KLHL13: variants seen among roughly 807,000 people sequenced by gnomAD.
KLHL13 encodes the protein kelch like family member 13, also known as kelch-like protein 13.
In KLHL13, 10 loss-of-function variants were observed where a neutral mutation model predicts 37.1. The observed-to-expected ratio is 0.27, with a 90% CI of 0.17 to 0.46. KLHL13 has a LOEUF of 0.46. KLHL13 is among the 20% of genes least tolerant of loss of function. The pLI is 1.00. For missense variants in KLHL13, 360 were observed against 509.3 expected (o/e 0.71, Z 2.82); for synonymous variants, 163 against 181.2 (o/e 0.90, Z 0.81).
chrX:117,945,754 T>TA (rs1325479886), intron 1 of KLHL13, 179 bp from the exon 3 acceptor site: 1 of 392,643 alleles, frequency 2.5e-6, no homozygotes, highest in African/African-American at 2.5e-5. Context: ...TGTATATTTG[T>TA]AAAATGGTTT....
chrX:117,902,166 G>A (rs150520097), intron 5 of KLHL13, among the ~76,000 whole-genome samples: 215 of 110,973 alleles, frequency 1.9e-3, no homozygotes, highest in African/African-American at 6.6e-3. Flanking sequence ...ACTAGATAGT[G>A]TAAGAATCTA....
chrX:117,937,426 T>G (rs1319263807), intron 2 of KLHL13, among the ~76,000 whole-genome samples: 1 of 111,852 alleles, frequency 8.9e-6, no homozygotes, highest in African/African-American at 3.2e-5. Flanking sequence ...ATCACTGTTC[T>G]TTCTCAGCCT....
At chrX:118,026,652 C>T (rs1429419062) in intron 1 of KLHL13, among the ~76,000 whole-genome samples, 1 of 111,930 alleles carries the variant, frequency 8.9e-6, no homozygotes, top group Non-Finnish European at 1.9e-5. Flanking sequence ...ATGAAGCCCT[C>T]AGCAGCAGAT....
intron 1 of KLHL13, among the ~76,000 whole-genome samples, chrX:118,050,616 T>C (rs2054603798): frequency 9.0e-6 from 1 of 111,488 alleles, no homozygotes; most frequent in South Asian, 3.8e-4. Flanking sequence ...GATTTACTTT[T>C]TCCTTATTCA....
intron 2 of KLHL13, among the ~76,000 whole-genome samples, chrX:117,935,806 A>G (rs1447812746): frequency 9.0e-6 from 1 of 111,075 alleles, no homozygotes; most frequent in Non-Finnish European, 1.9e-5. Flanking sequence ...AGGGACACAG[A>G]GCCAAACCAA....
chrX:118,071,202 T>C (rs991370645), intron 1 of KLHL13, among the ~76,000 whole-genome samples: 5 of 111,813 alleles, frequency 4.5e-5, no homozygotes, highest in African/African-American at 1.6e-4. Context: ...TTGTGAATAA[T>C]GCCGCAATAA....
intron 3 of KLHL13, 121 bp from the exon 5 acceptor site, chrX:117,919,838 G>T: frequency 1.9e-6 from 1 of 512,988 alleles, no homozygotes; most frequent in Non-Finnish European, 3.2e-6. Context: ...AGTCATATTA[G>T]AGTCAGTCTG....
intron 1 of KLHL13, among the ~76,000 whole-genome samples, chrX:118,108,225 T>A (rs2055367222): frequency 8.9e-6 from 1 of 112,095 alleles, no homozygotes; most frequent in African/African-American, 3.2e-5. Context: ...GCACTTCACC[T>A]GTAGACGATA....
upstream of KLHL13, among the ~76,000 whole-genome samples, chrX:117,977,930 T>C (rs917859579): frequency 8.9e-6 from 1 of 112,276 alleles, no homozygotes; most frequent in Non-Finnish European, 1.9e-5. Context: ...CTTAAACACA[T>C]ATATGACTAT....
At chrX:117,964,344 G>A (rs1030739514) in intron 1 of KLHL13, among the ~76,000 whole-genome samples, 2 of 112,104 alleles carry the variant, frequency 1.8e-5, no homozygotes, top group Admixed American at 9.5e-5. Flanking sequence ...AATATTGAAA[G>A]TACAGTAAGC....
At chrX:117,940,715 G>T (rs1209022173) in intron 2 of KLHL13, among the ~76,000 whole-genome samples, 2 of 111,237 alleles carry the variant, frequency 1.8e-5, no homozygotes, top group Non-Finnish European at 3.8e-5. Flanking sequence ...ATTGTGAATG[G>T]GAGTTCACTC....
chrX:117,987,971 G>T (rs2053746819), intron 1 of KLHL13, among the ~76,000 whole-genome samples: 2 of 111,865 alleles, frequency 1.8e-5, no homozygotes, highest in Admixed American at 1.9e-4. Flanking sequence ...ACATTAAAAT[G>T]ATTTAATCAA....
At chrX:117,936,666 G>T (rs1463204039) in intron 2 of KLHL13, among the ~76,000 whole-genome samples, 1 of 110,463 alleles carries the variant, frequency 9.1e-6, no homozygotes, top group Non-Finnish European at 1.9e-5. Context: ...AGAGAAAGAG[G>T]AAAGACCCTA....
chrX:118,030,228 A>G (rs1272156625), intron 1 of KLHL13, among the ~76,000 whole-genome samples: 2 of 111,813 alleles, frequency 1.8e-5, no homozygotes, highest in Non-Finnish European at 3.8e-5. Context: ...ATTACAAGTA[A>G]AGAAACTGAG....
intron 1 of KLHL13, among the ~76,000 whole-genome samples, chrX:118,092,829 C>T (rs1351345536): frequency 9.0e-6 from 1 of 111,731 alleles, no homozygotes; most frequent in Non-Finnish European, 1.9e-5. Flanking sequence ...ACTACAGTTA[C>T]ATAAGATGTA....
chrX:117,994,954 G>A (rs2053838318), intron 1 of KLHL13, among the ~76,000 whole-genome samples: 1 of 111,752 alleles, frequency 8.9e-6, no homozygotes, highest in South Asian at 3.8e-4. Context: ...ACGCTGAGGT[G>A]GGAGGATCAC....
intron 1 of KLHL13, among the ~76,000 whole-genome samples, chrX:117,968,619 T>C (rs1180338351): frequency 8.9e-6 from 1 of 111,746 alleles, no homozygotes; most frequent in Non-Finnish European, 1.9e-5. Flanking sequence ...CAAGTAAAAG[T>C]TTATGTTCTC....
At position 117,917,147 on chromosome X, in the gene KLHL13, T is replaced by C. The variant is rs189882795; in HGVS notation, c.570+2374A>G. On this transcript the variant is annotated intron_variant, in intron 4 of 6. Coordinates refer to ENST00000262820, the Ensembl canonical transcript of KLHL13. ...GGGTTTTGCATGTTCCTGGAACTAA[T>C]CATCTGCCAGATTTTCTCAAAAATT... Among the ~76,000 whole-genome samples, 3 of 111,878 alleles carry C rather than the reference T, an allele frequency of 2.7e-5. No homozygotes were observed. In the East Asian group the frequency reaches 8.4e-4, roughly 31 times the overall value.
intron 1 of KLHL13, among the ~76,000 whole-genome samples, chrX:118,013,111 C>T (rs1280680401): frequency 4.5e-5 from 5 of 111,630 alleles, no homozygotes; most frequent in Non-Finnish European, 1.9e-5. Context: ...AAGCAGTAAA[C>T]AAGTTGAACA....
Sources: gnomAD v4.1 joint callset for allele counts (sites outside exome capture counted in the v4.1 genomes callset) on GRCh38, gnomAD v4.1.1 for gene constraint, MANE v1.5 for transcripts, NCBI Gene and HGNC (gene_info 2026-07-23, HGNC 2026-07-21) for gene names.